The following GPR107 variants were observed in gnomAD, a reference collection of about 807,000 sequenced individuals.
The protein encoded by GPR107 is G protein-coupled receptor 107.
GPR107 carries 31 observed loss-of-function variants against 75.5 expected under a neutral mutation model. The observed-to-expected ratio is 0.41, with a 90% CI of 0.31 to 0.55. GPR107 has a LOEUF of 0.55. Ranked by LOEUF, GPR107 falls within the 20% of genes least tolerant of loss-of-function variation. The probability of loss-of-function intolerance (pLI) is 0.26; values close to 1 mark genes in which losing one functional copy is unlikely to be tolerated. For synonymous variants in GPR107, 267 were observed against 251.3 expected (o/e 1.06, Z -0.59); for missense variants, 572 against 665.7 (o/e 0.86, Z 1.55).
rs1831935020 is a variant in GPR107 at position 130,135,516 on chromosome 9, GTGTC to G, written c.*402_*405del. Reference sequence around the variant, plus strand: ...GGTGGAGGGGGAAGGAGGGTGCGAGGTGTCTGTCTGATGCTTTAGGAAATGTCTA... The same window carrying G: ...GGTGGAGGGGGAAGGAGGGTGCGAGGTGTCTGATGCTTTAGGAAATGTCTA... On this transcript the variant is annotated 3_prime_UTR_variant, in exon 18 of 18. Transcript: ENST00000347136. 2 of 167,480 alleles carry G rather than the reference GTGTC, an allele frequency of 1.2e-5. No individual in the cohort carries two copies. Among genetic ancestry groups the G allele is most frequent in the Admixed American group, 5.8e-5 (1 of 17,128 alleles). The allele number at this position is 167,480 out of a possible 1,614,324, so 10.4% of individuals were successfully genotyped here.
intron 1 of GPR107, among the ~76,000 whole-genome samples, chr9:130,056,924 C>CAAAAAAAAAAAAAAAA (rs11442007): frequency 1.6e-4 from 7 of 42,896 alleles, no homozygotes; most frequent in African/African-American, 8.1e-4. Context: ...GACTCCTTCT[C>CAAAAAAAAAAAAAAAA]AAAAAAAAAA....
chr9:130,122,302 G>A (rs996557389), intron 14 of GPR107, among the ~76,000 whole-genome samples: 2 of 152,156 alleles, frequency 1.3e-5, no homozygotes, highest in Non-Finnish European at 2.9e-5. Flanking sequence ...GGAGGGCCAC[G>A]GTTCCGGTCA....
chr9:130,127,425 A>C (rs1351343361), intron 15 of GPR107, 58 bp from the exon 16 acceptor site: 1 of 887,932 alleles, frequency 1.1e-6, no homozygotes, highest in East Asian at 2.4e-5. Flanking sequence ...CAAATTGTTA[A>C]AGTGGTGTCC....
intron 9 of GPR107, among the ~76,000 whole-genome samples, chr9:130,092,889 GATTAC>G (rs1336839449): frequency 6.6e-6 from 1 of 152,142 alleles, no homozygotes; most frequent in Non-Finnish European, 1.5e-5. Flanking sequence ...AAAGTGCTGG[GATTAC>G]AGGCATGAGC....
chr9:130,097,344 G>A (rs2132602451), intron 9 of GPR107, among the ~76,000 whole-genome samples: 1 of 151,846 alleles, frequency 6.6e-6, no homozygotes, highest in East Asian at 1.9e-4. Flanking sequence ...TAGTAGAGAC[G>A]GGTTTTCACT....
At chr9:130,088,657 G>C (rs924045623) in intron 7 of GPR107, among the ~76,000 whole-genome samples, 1 of 152,182 alleles carries the variant, frequency 6.6e-6, no homozygotes, top group Non-Finnish European at 1.5e-5. Context: ...ACTCTGTGAA[G>C]TCGGTATTGT....
chr9:130,101,002 C>G (rs899195433), intron 11 of GPR107, 104 bp from the exon 12 acceptor site: 3 of 767,718 alleles, frequency 3.9e-6, no homozygotes, highest in African/African-American at 3.5e-5. Flanking sequence ...GGCTGCCCGT[C>G]TTTTGTAAGA....
chr9:130,082,376 A>G (rs1830512557), intron 5 of GPR107, among the ~76,000 whole-genome samples: 1 of 152,032 alleles, frequency 6.6e-6, no homozygotes, highest in Admixed American at 6.6e-5. Context: ...CTTTGTGCTC[A>G]TATCACCGTT....
chr9:130,080,682 A>G (rs1040618548), intron 5 of GPR107, among the ~76,000 whole-genome samples: 2 of 150,950 alleles, frequency 1.3e-5, no homozygotes, highest in Non-Finnish European at 3.0e-5. Context: ...TAGTAGAGAC[A>G]GGGTTTCACG....
At position 130,099,868 on chromosome 9, in the gene GPR107, C is replaced by CTTTT. The variant is rs71387314; in HGVS notation, c.939+377_939+380dup. The stretch of plus-strand genomic sequence containing the variant: ...GCCACCTGCTGACTTGTTTCCACGA[C>CTTTT]TTTTTTTTTTTTTTTTTTTTTTTTT... On this transcript the variant is annotated intron_variant, in intron 10 of 17. Transcript: ENST00000347136. Among the ~76,000 whole-genome samples, 16 of 90,022 alleles carry CTTTT rather than the reference C, an allele frequency of 1.8e-4. 2 individuals carry two copies. The highest frequency in any genetic ancestry group is 4.1e-4 in the Admixed American group (3 of 7,278). 59.1% of individuals were successfully genotyped at this position (90,022 alleles called of 152,430 possible). A position where few individuals can be genotyped will look rare whatever the true frequency, so the allele number is the denominator to read the frequency against.
chr9:130,062,644 G>GCCTTCCTTCCTTCCTT (rs1293133081), intron 1 of GPR107, among the ~76,000 whole-genome samples: 1 of 70,908 alleles, frequency 1.4e-5, no homozygotes, highest in African/African-American at 5.5e-5. Flanking sequence ...CTGCCTGCCT[G>GCCTTCCTTCCTTCCTT]CCTGCCTGCC....
chr9:130,108,824 A>G, intron 14 of GPR107: 1 of 188,728 alleles, frequency 5.3e-6, no homozygotes, highest in Non-Finnish European at 1.2e-5. Flanking sequence ...GGTTCTTTTC[A>G]GTGGCTTTAA....
chr9:130,077,367 C>T lies in GPR107; in HGVS notation c.375C>T (p.Ile125=). ...CTGTCACCCTTTTAATCCTAGACAT[C>T]TCCAGAAGTGAGTAAGTAATTCTAA... ...SVSVTLLILD[I]SRSEVRVKSP... Residue 125 remains isoleucine, a synonymous_variant, in exon 4 of 18, where the codon ATC becomes ATT. Transcript: ENST00000347136. 2 of 1,495,206 alleles carry T rather than the reference C, an allele frequency of 1.3e-6. No homozygotes were observed. The highest frequency in any genetic ancestry group is 1.9e-6 in the Non-Finnish European group (2 of 1,071,326). 92.6% of individuals were successfully genotyped at this position (1,495,206 alleles called of 1,614,324 possible).
intron 4 of GPR107, among the ~76,000 whole-genome samples, 187 bp from the exon 5 acceptor site, chr9:130,079,443 T>C (rs1341749068): frequency 1.3e-5 from 2 of 152,260 alleles, no homozygotes; most frequent in Non-Finnish European, 2.9e-5. Flanking sequence ...CCTAGCTTGG[T>C]GCCCTTGGGC....
At chr9:130,071,035 C>CTTTTTTTTTTTTTTTT (rs56799662) in intron 1 of GPR107, among the ~76,000 whole-genome samples, 1 of 98,196 alleles carries the variant, frequency 1.0e-5, no homozygotes, top group Non-Finnish European at 1.8e-5. Flanking sequence ...TTTTTTTTTT[C>CTTTTTTTTTTTTTTTT]TTTTTTTTTT....
Position 130,092,331 on chromosome 9 carries a change from T to C in GPR107, c.813T>C (p.Phe271=). Residue 271 remains phenylalanine (F), a synonymous_variant, in exon 9 of 18, where the codon TTT becomes TTC. Coordinates refer to ENST00000347136, the MANE Select transcript of GPR107 (RefSeq NM_020960.5). ...PLPKLYISMA[F]FFFLSGTIWI... The stretch of plus-strand genomic sequence containing the variant: ...CCAAATTATACATCTCAATGGCCTT[T>C]TTCTTCTTTCTTTCTGGGACCATCT... 2 of 1,611,486 alleles carry C rather than the reference T, an allele frequency of 1.2e-6. No homozygotes were observed. The highest frequency in any genetic ancestry group is 1.7e-6 in the Non-Finnish European group (2 of 1,177,540).
At chr9:130,063,775 C>G (rs1032624545) in intron 1 of GPR107, among the ~76,000 whole-genome samples, 3 of 148,192 alleles carry the variant, frequency 2.0e-5, no homozygotes, top group Non-Finnish European at 4.5e-5. Flanking sequence ...CCCTTTACTA[C>G]TACTGTATAG....
At chr9:130,105,286 T>C (rs1305591695) in intron 13 of GPR107, among the ~76,000 whole-genome samples, 1 of 151,746 alleles carries the variant, frequency 6.6e-6, no homozygotes, top group African/African-American at 2.4e-5. Flanking sequence ...GGAGTTTCGC[T>C]CTTGTTGCCC....
chr9:130,096,760 A>T (rs987063382), intron 9 of GPR107, among the ~76,000 whole-genome samples: 3 of 151,948 alleles, frequency 2.0e-5, no homozygotes, highest in African/African-American at 4.8e-5. Context: ...GTCTGGCCTG[A>T]TTTTTGGATA....
Sources: allele counts gnomAD v4.1 joint callset (sites outside exome capture counted in the v4.1 genomes callset), GRCh38; gene constraint gnomAD v4.1.1; transcripts MANE v1.5; gene names NCBI Gene and HGNC (gene_info 2026-07-23, HGNC 2026-07-21).